Variants in RNF220 observed in about 807,000 individuals in gnomAD.
RNF220 encodes the protein ring finger protein 220.
In RNF220, 7 loss-of-function variants were observed where a neutral mutation model predicts 67.1. The ratio of observed to expected loss-of-function variants is 0.10; its 90% confidence interval spans 0.06 to 0.20. The LOEUF (loss-of-function observed/expected upper bound fraction) is 0.20, where lower values mean the gene tolerates loss of function less well. RNF220 is among the 10% of genes least tolerant of loss of function. The pLI, the probability that RNF220 is intolerant of heterozygous loss-of-function variation, is 1.00. For synonymous variants in RNF220, 270 were observed against 283.2 expected (o/e 0.95, Z 0.47); for missense variants, 565 against 740.3 (o/e 0.76, Z 2.75).
At chr1:44,426,738 AAAAG>A (rs1553214397) in intron 2 of RNF220, among the ~76,000 whole-genome samples, 44 of 151,850 alleles carry the variant, frequency 2.9e-4, no homozygotes, top group African/African-American at 7.2e-4. Flanking sequence ...AAAAAAAAAA[AAAAG>A]AAAGAAAGAA....
chr1:44,482,993 C>T (rs897876485), intron 2 of RNF220, among the ~76,000 whole-genome samples: 1 of 133,294 alleles, frequency 7.5e-6, no homozygotes, highest in Non-Finnish European at 1.5e-5. Flanking sequence ...CGCAGTGGAA[C>T]GATCGTGGCT....
chr1:44,440,089 A>G (rs1325999724), intron 2 of RNF220, among the ~76,000 whole-genome samples: 1 of 152,242 alleles, frequency 6.6e-6, no homozygotes, highest in Non-Finnish European at 1.5e-5. Context: ...AAAGACTTAC[A>G]GTCTAGAACT....
At chr1:44,456,395 A>T (rs182932976) in intron 2 of RNF220, among the ~76,000 whole-genome samples, 1 of 152,336 alleles carries the variant, frequency 6.6e-6, no homozygotes, top group African/African-American at 2.4e-5. Flanking sequence ...CACAAGAAAG[A>T]TCATTCACTT....
At chr1:44,520,594 T>C (rs765669497) in intron 2 of RNF220, among the ~76,000 whole-genome samples, 21 of 152,354 alleles carry the variant, frequency 1.4e-4, no homozygotes, top group Middle Eastern at 3.4e-3. Context: ...GAGTCCTCCC[T>C]GCGTCTTGCC....
chr1:44,627,035 C>CAAAAAAAAAAA (rs59977929), intron 5 of RNF220: 1 of 44,500 alleles, frequency 2.2e-5, no homozygotes, highest in Admixed American at 3.7e-4. Context: ...GACTCCATCT[C>CAAAAAAAAAAA]AAAAAAAAAA....
At position 44,626,354 on chromosome 1, in the gene RNF220, C is replaced by T; in HGVS notation, c.862C>T (p.His288Tyr). 2 of 1,613,428 alleles carry T rather than the reference C, an allele frequency of 1.2e-6. No individual in the cohort carries two copies. Among genetic ancestry groups the T allele is most frequent in the Non-Finnish European group, 1.7e-6 (2 of 1,179,784 alleles). ...AGGAGAGTCTCCAACGGCATCACCC[C>T]ACTCATCTGCCACCGATGACCTCCA... ...REGESPTASP[H>Y]SSATDDLHHS... Residue 288 changes from histidine to tyrosine, a missense_variant, in exon 5 of 15, where the codon CAC (histidine) becomes TAC (tyrosine). By Grantham distance (83) the His-to-Tyr change is moderately conservative (BLOSUM62 2). Transcript: ENST00000361799.
intron 2 of RNF220, among the ~76,000 whole-genome samples, chr1:44,508,344 G>A (rs1658637416): frequency 6.6e-6 from 1 of 152,094 alleles, no homozygotes; most frequent in Non-Finnish European, 1.5e-5. Context: ...AGGAGAGATG[G>A]GCGAGTCGTG....
At chr1:44,479,528 C>G (rs1655609039) in intron 2 of RNF220, among the ~76,000 whole-genome samples, 1 of 152,142 alleles carries the variant, frequency 6.6e-6, no homozygotes, top group South Asian at 2.1e-4. Context: ...GAATGTCAGG[C>G]TGCTGTAGAA....
chr1:44,414,150 T>G (rs1648287800), intron 2 of RNF220, among the ~76,000 whole-genome samples: 1 of 152,234 alleles, frequency 6.6e-6, no homozygotes, highest in Non-Finnish European at 1.5e-5. Context: ...CTTTTCAGTT[T>G]CTGTTGACTT....
intron 2 of RNF220, among the ~76,000 whole-genome samples, chr1:44,435,853 C>A (rs750430229): frequency 2.0e-5 from 3 of 151,860 alleles, no homozygotes; most frequent in Non-Finnish European, 4.4e-5. Context: ...TCACTTGAAC[C>A]AGAGGTTGTA....
intron 2 of RNF220, among the ~76,000 whole-genome samples, chr1:44,596,261 A>G (rs528156086): frequency 3.1e-4 from 47 of 152,302 alleles, no homozygotes; most frequent in Non-Finnish European, 6.2e-4. Flanking sequence ...AGGGCAGAGA[A>G]GTAAAAAGAC....
intron 4 of RNF220, among the ~76,000 whole-genome samples, chr1:44,625,718 A>C (rs1421265970): frequency 6.6e-6 from 1 of 152,030 alleles, no homozygotes; most frequent in Non-Finnish European, 1.5e-5. Context: ...ACAGTTTATT[A>C]ATCTAAACTG....
intron 2 of RNF220, among the ~76,000 whole-genome samples, chr1:44,432,735 A>G (rs971201936): frequency 3.3e-5 from 5 of 152,108 alleles, no homozygotes; most frequent in Admixed American, 6.6e-5. Flanking sequence ...CACCACCACA[A>G]AACGCTCTGG....
chr1:44,427,948 T>C (rs1420881581), intron 2 of RNF220, among the ~76,000 whole-genome samples: 1 of 152,178 alleles, frequency 6.6e-6, no homozygotes, highest in Non-Finnish European at 1.5e-5. Flanking sequence ...ATGGGGACAG[T>C]GACTCCAGCA....
At chr1:44,586,953 T>G (rs1665742585) in intron 2 of RNF220, among the ~76,000 whole-genome samples, 1 of 152,194 alleles carries the variant, frequency 6.6e-6, no homozygotes, top group East Asian at 1.9e-4. Context: ...ATCATAACAA[T>G]GATAATTAAA....
intron 2 of RNF220, among the ~76,000 whole-genome samples, chr1:44,483,303 C>A (rs755992027): frequency 6.6e-6 from 1 of 152,242 alleles, no homozygotes; most frequent in African/African-American, 2.4e-5. Context: ...ACCTGTTCTA[C>A]CTTGCTCAAT....
chr1:44,423,720 C>T, intron 2 of RNF220: 1 of 407,506 alleles, frequency 2.5e-6, no homozygotes, highest in Non-Finnish European at 3.3e-6. Context: ...CGTGACAGGT[C>T]TCAGGGCCTA....
chr1:44,488,292 C>CT (rs1656517233), intron 2 of RNF220, among the ~76,000 whole-genome samples: 1 of 151,818 alleles, frequency 6.6e-6, no homozygotes, highest in South Asian at 2.1e-4. Flanking sequence ...TGCGCCACCA[C>CT]ACCCGACTAA....
intron 2 of RNF220, among the ~76,000 whole-genome samples, chr1:44,521,288 T>C (rs914675418): frequency 6.6e-6 from 1 of 152,126 alleles, no homozygotes; most frequent in African/African-American, 2.4e-5. Flanking sequence ...TCAGCAAACA[T>C]CTCCGGACTA....
Sources: gnomAD v4.1 joint callset for allele counts (sites outside exome capture counted in the v4.1 genomes callset) on GRCh38, gnomAD v4.1.1 for gene constraint, MANE v1.5 for transcripts, NCBI Gene and HGNC (gene_info 2026-07-23, HGNC 2026-07-21) for gene names.